Variants in WDR41 observed in about 807,000 individuals in gnomAD.
WDR41 encodes the protein WD repeat-containing protein 41.
In WDR41, 63 loss-of-function variants were observed where a neutral mutation model predicts 69.3. That is an observed-to-expected ratio of 0.91 (90% CI 0.74 to 1.12). The LOEUF (loss-of-function observed/expected upper bound fraction) is 1.12, where lower values mean the gene tolerates loss of function less well. Ranked by LOEUF, WDR41 falls within the 50% of genes most tolerant of loss-of-function variation. WDR41 has a pLI of 0.00. For missense variants in WDR41, 543 were observed against 534.5 expected (o/e 1.02, Z -0.16); for synonymous variants, 185 against 192.1 (o/e 0.96, Z 0.31).
chr5:77,473,995 T>C (rs181947836), intron 2 of WDR41, among the ~76,000 whole-genome samples: 7 of 152,308 alleles, frequency 4.6e-5, no homozygotes, highest in East Asian at 1.9e-4. Flanking sequence ...CGTGTGTTTA[T>C]TGCGGCACTG....
chr5:77,545,953 G>T (rs1458632035), intron 1 of WDR41: 1 of 489,080 alleles, frequency 2.0e-6, no homozygotes, highest in Non-Finnish European at 3.6e-6. Context: ...GGCCGCTGTG[G>T]CTCCGTGCTG....
chr5:77,540,035 A>C (rs1449531618), intron 1 of WDR41, among the ~76,000 whole-genome samples: 2 of 152,178 alleles, frequency 1.3e-5, no homozygotes, highest in Non-Finnish European at 2.9e-5. Context: ...AAACATAAGC[A>C]ATCTTTAAGA....
intron 12 of WDR41, among the ~76,000 whole-genome samples, chr5:77,435,638 G>GT (rs1195661848): frequency 6.6e-6 from 1 of 152,170 alleles, no homozygotes; most frequent in Non-Finnish European, 1.5e-5. Flanking sequence ...TGATTACACT[G>GT]TTATTAGTTC....
rs538804952 is a variant in WDR41, at chr5:77,583,054, T to G, written c.42+37425A>C. The G allele has an allele frequency of 3.8e-5, 61 of 1,596,424 alleles. No individual in the cohort carries two copies. The African/African-American group carries it at 7.7e-4, about 20-fold the overall frequency. ...TGGAATGAAGAAAAAGACCACCCAT[T>G]TTGTAGAAGGTAGAGATGCTGGCAA... is the stretch of plus-strand genomic sequence containing the variant. On this transcript the variant is annotated intron_variant, in intron 1 of 5. Transcript: ENST00000509971.
At chr5:77,445,828 G>A (rs1336346517) in intron 8 of WDR41, among the ~76,000 whole-genome samples, 2 of 152,124 alleles carry the variant, frequency 1.3e-5, no homozygotes, top group Non-Finnish European at 2.9e-5. Flanking sequence ...ATATGAATGG[G>A]CAAAAGCTGG....
At chr5:77,486,416 A>G (rs163027) in intron 2 of WDR41, among the ~76,000 whole-genome samples, 79,779 of 152,002 alleles carry the variant, frequency 0.52, 21,595 homozygotes, top group African/African-American at 0.65. Context: ...CTGGCCACAA[A>G]TTATTCCCCC....
chr5:77,440,794 T>G lies in WDR41; in HGVS notation c.882+19A>C, dbSNP rs768995733. ...TATATGTCAAAGGCAAGTTTATAGA[T>G]AGTGTATACATTTTTTACCTCTTCA... On this transcript the variant is annotated intron_variant, in intron 9 of 12. Coordinates refer to ENST00000296679, the MANE Select transcript of WDR41 (RefSeq NM_018268.4). 2.5e-6 allele frequency: 4 copies of G among 1,611,832 alleles called. No homozygotes were observed. The highest frequency in any genetic ancestry group is 2.5e-6 in the Non-Finnish European group (3 of 1,178,342).
intron 2 of WDR41, among the ~76,000 whole-genome samples, chr5:77,483,617 T>G (rs1202733957): frequency 6.6e-6 from 1 of 152,090 alleles, no homozygotes; most frequent in Non-Finnish European, 1.5e-5. Context: ...GAATCTAAGA[T>G]AGGTAGAAGA....
chr5:77,602,526 CT>C (rs1399194392), intron 1 of WDR41, among the ~76,000 whole-genome samples: 1 of 152,110 alleles, frequency 6.6e-6, no homozygotes, highest in Non-Finnish European at 1.5e-5. Flanking sequence ...CAGTACCTGG[CT>C]TATTTCACTT....
intron 1 of WDR41, among the ~76,000 whole-genome samples, chr5:77,606,795 C>T (rs1343600844): frequency 2.0e-5 from 3 of 150,880 alleles, no homozygotes; most frequent in East Asian, 3.9e-4. Flanking sequence ...AGAGTGAGAC[C>T]CTGTCACAAA....
intron 1 of WDR41, among the ~76,000 whole-genome samples, chr5:77,605,268 T>C (rs1744394557): frequency 6.6e-6 from 1 of 152,224 alleles, no homozygotes; most frequent in Admixed American, 6.5e-5. Context: ...TACTGTTGTC[T>C]GCCCTAAATT....
intron 1 of WDR41, among the ~76,000 whole-genome samples, chr5:77,533,192 C>A (rs1203562852): frequency 6.6e-6 from 1 of 152,168 alleles, no homozygotes; most frequent in African/African-American, 2.4e-5. Context: ...TTCTAAATAT[C>A]TACCCCAGAG....
chr5:77,611,841 A>G lies in WDR41; in HGVS notation c.42+8638T>C, dbSNP rs1238397765. Among the ~76,000 whole-genome samples, 10 of 152,236 alleles carry G rather than the reference A, an allele frequency of 6.6e-5. No individual in the cohort carries two copies. In the East Asian group the frequency reaches 7.7e-4, roughly 12 times the overall value. On this transcript the variant is annotated intron_variant, in intron 1 of 5. Coordinates refer to the WDR41 transcript ENST00000509971. Reference sequence around the variant, plus strand: ...ACACAAAAAACCCTTCAAAAAATCAATGAATCCAGGAGCTGGTTTTTTGAA... The same window carrying G: ...ACACAAAAAACCCTTCAAAAAATCAGTGAATCCAGGAGCTGGTTTTTTGAA...
chr5:77,521,617 T>C (rs1802371102), intron 1 of WDR41, among the ~76,000 whole-genome samples: 2 of 152,210 alleles, frequency 1.3e-5, no homozygotes, highest in Non-Finnish European at 2.9e-5. Context: ...AAAATGGACA[T>C]CTTTCTATAA....
chr5:77,478,985 A>G (rs1443375921), intron 2 of WDR41, among the ~76,000 whole-genome samples: 1 of 151,860 alleles, frequency 6.6e-6, no homozygotes, highest in Non-Finnish European at 1.5e-5. Flanking sequence ...AAGTCTCAGG[A>G]TACAAAATCA....
Position 77,563,646 on chromosome 5 carries a change from C to T in WDR41, c.42+56833G>A, listed in dbSNP as rs1369901255. Among the ~76,000 whole-genome samples, 146 of 152,096 alleles carry T rather than the reference C, an allele frequency of 9.6e-4. 1 individual carries two copies. Among genetic ancestry groups the T allele is most frequent in the Admixed American group, 9.6e-3 (146 of 15,258 alleles). On this transcript the variant is annotated intron_variant, in intron 1 of 5. Coordinates refer to the WDR41 transcript ENST00000509971. ...CAGGCACTAGAAGGTAATTACGATACAGTGCTGTGTACTCTCACGAGGAAC... is the reference window on the plus strand; with the variant it reads ...CAGGCACTAGAAGGTAATTACGATATAGTGCTGTGTACTCTCACGAGGAAC...
intron 1 of WDR41, among the ~76,000 whole-genome samples, chr5:77,556,239 G>A (rs1481068772): frequency 6.6e-6 from 1 of 151,754 alleles, no homozygotes; most frequent in Admixed American, 6.6e-5. Flanking sequence ...GAAATAGCTG[G>A]GATTATAGGC....
At chr5:77,499,360 A>G (rs145198799) in intron 1 of WDR41, 3 of 152,260 alleles carry the variant, frequency 2.0e-5, no homozygotes, top group Non-Finnish European at 4.4e-5. Context: ...AGGAAGAGGA[A>G]CTCCCAAAGC....
In WDR41 at chr5:77,609,641, C is replaced by A. The variant is rs1259368359; in HGVS notation, c.42+10838G>T. 3.9e-5 allele frequency among the ~76,000 whole-genome samples: 6 copies of A among 152,070 alleles called. 1 individual carries two copies. The highest frequency in any genetic ancestry group is 3.9e-4 in the Admixed American group (6 of 15,278). Reference sequence around the variant, plus strand: ...CTAACAAACAGAAAGGACATCCACACCAAAAACCCATCTGTACATCACCAT... The same window carrying A: ...CTAACAAACAGAAAGGACATCCACAACAAAAACCCATCTGTACATCACCAT... On this transcript the variant is annotated intron_variant, in intron 1 of 5. Transcript: ENST00000509971.
Sources: gnomAD v4.1 joint callset for allele counts (sites outside exome capture counted in the v4.1 genomes callset) on GRCh38, gnomAD v4.1.1 for gene constraint, MANE v1.5 for transcripts, NCBI Gene and HGNC (gene_info 2026-07-23, HGNC 2026-07-21) for gene names.